Variants in TNNT3 observed in about 807,000 individuals in gnomAD.
The protein encoded by TNNT3 is troponin T3, fast skeletal type.
A neutral mutation model predicts 54.2 loss-of-function variants in TNNT3; 36 were observed. The observed-to-expected ratio is 0.66, with a 90% CI of 0.51 to 0.88. TNNT3 has a LOEUF of 0.88. Among genes scored for constraint, TNNT3 ranks in the 40% least tolerant of loss-of-function variants. TNNT3 has a pLI of 0.00. For synonymous variants in TNNT3, 120 were observed against 109.7 expected (o/e 1.09, Z -0.59); for missense variants, 291 against 331.6 (o/e 0.88, Z 0.95).
intron 4 of TNNT3, 33 bp from the exon 5 acceptor site, chr11:1,925,066 C>G (rs1238083849): frequency 6.2e-7 from 1 of 1,611,858 alleles, no homozygotes; most frequent in East Asian, 2.2e-5. Flanking sequence ...CTCAACCCCG[C>G]CTTCTCCTGC....
In TNNT3 at chr11:1,929,794, G is replaced by C. The variant is rs376576654; in HGVS notation, c.107-16G>C. ...CGCTGGTGTCCCTCTCCCTACGCTGGTGCTGTGTGGACCAGAGGAGAAACC... is the reference window on the plus strand; with the variant it reads ...CGCTGGTGTCCCTCTCCCTACGCTGCTGCTGTGTGGACCAGAGGAGAAACC... On this transcript the variant is annotated splice_polypyrimidine_tract_variant and intron_variant, in intron 7 of 15. Coordinates refer to ENST00000278317, the MANE Select transcript of TNNT3 (RefSeq NM_006757.4). 4.6e-5 allele frequency: 71 copies of C among 1,551,852 alleles called. No individual in the cohort carries two copies. The highest frequency in any genetic ancestry group is 5.8e-5 in the Non-Finnish European group (67 of 1,147,206).
Position 1,926,485 on chromosome 11 carries a change from C to T in TNNT3, c.68-210C>T, listed in dbSNP as rs144624139. 404 of 1,613,228 alleles carry T rather than the reference C, an allele frequency of 2.5e-4. 1 individual carries two copies. In the African/African-American group the frequency reaches 4.3e-3, roughly 17 times the overall value. ...GCCCGTGAAGTTCATGAACCAGGTACGTGCATGACTTCGATGCCACATGGG... is the reference window on the plus strand; with the variant it reads ...GCCCGTGAAGTTCATGAACCAGGTATGTGCATGACTTCGATGCCACATGGG... On this transcript the variant is annotated intron_variant, in intron 5 of 15. Transcript: ENST00000278317.
At chr11:1,932,955 TA>T (rs1853849834) in intron 9 of TNNT3, among the ~76,000 whole-genome samples, 1 of 148,482 alleles carries the variant, frequency 6.7e-6, no homozygotes, top group African/African-American at 2.5e-5. Flanking sequence ...CACCCATTCA[TA>T]CACTCACCTA....
chr11:1,929,165 C>G (rs374046048), intron 7 of TNNT3, 22 bp downstream of exon 7: 5 of 1,612,174 alleles, frequency 3.1e-6, no homozygotes, highest in Non-Finnish European at 3.4e-6. Context: ...TCCCTGCCGC[C>G]GGAGGTGCAG....
chr11:1,925,707 C>T (rs911473611), intron 5 of TNNT3, among the ~76,000 whole-genome samples: 94 of 152,082 alleles, frequency 6.2e-4, no homozygotes, highest in African/African-American at 2.2e-3. Flanking sequence ...GGAGAGAAGG[C>T]GGCTGGGGGC....
At chr11:1,931,982 A>T (rs780702445) in intron 8 of TNNT3, among the ~76,000 whole-genome samples, 6 of 152,348 alleles carry the variant, frequency 3.9e-5, no homozygotes, top group Non-Finnish European at 8.8e-5. Flanking sequence ...TTTCCCCTTC[A>T]GATTGCTTTC....
At chr11:1,928,985 C>A in intron 6 of TNNT3, 135 bp from the exon 7 acceptor site, 1 of 1,052,662 alleles carries the variant, frequency 9.5e-7, no homozygotes, top group Non-Finnish European at 1.5e-6. Flanking sequence ...GCCCCGCAGG[C>A]ACACCCTGGA....
At chr11:1,938,122 A>G (rs1224367456) in intron 15 of TNNT3, 4 of 411,024 alleles carry the variant, frequency 9.7e-6, no homozygotes, top group Non-Finnish European at 4.6e-6. Context: ...CTAGGATTAT[A>G]TCATTATCTG....
intron 5 of TNNT3, chr11:1,925,353 G>A: frequency 1.3e-6 from 2 of 1,512,160 alleles, no homozygotes; most frequent in Non-Finnish European, 1.8e-6. Flanking sequence ...TGGGGGAGAG[G>A]GGGAGAGGGT....
rs780143869 is a variant in TNNT3, at chr11:1,922,885, A to T, written c.11A>T (p.Glu4Val). The T allele has an allele frequency of 1.9e-6, 3 of 1,613,378 alleles. No individual in the cohort carries two copies. Among genetic ancestry groups the T allele is most frequent in the Non-Finnish European group, 2.5e-6 (3 of 1,179,956 alleles). ...CCACCCACCTTCACCATGTCTGACG[A>T]GGAAGTGTGAGTACCCAGCTGGTGG... MSD[E>V]EVEQVEEQYE... Residue 4 changes from glutamate (E) to valine (V), a missense_variant, in exon 2 of 16, where the codon GAG (glutamate) becomes GTG (valine). Transcript: ENST00000278317.
At chr11:1,923,398 G>A (rs1398790761) in intron 3 of TNNT3, among the ~76,000 whole-genome samples, 157 bp from the exon 4 acceptor site, 1 of 151,422 alleles carries the variant, frequency 6.6e-6, no homozygotes, top group Non-Finnish European at 1.5e-5. Context: ...CTTCCCCAGC[G>A]CCTCCTCAGG....
Position 1,933,833 on chromosome 11 carries a change from G to C in TNNT3, c.284G>C (p.Arg95Thr). 1 of 1,612,682 alleles carries C rather than the reference G, an allele frequency of 6.2e-7. No individual in the cohort carries two copies. The highest frequency in any genetic ancestry group is 8.5e-7 in the Non-Finnish European group (1 of 1,179,844). ...GAGGAGCTGGTCGCTCTCAAAGAGA[G>C]AATCGTGAGTGGGGCAGTTCAGGTT... ...EEEELVALKE[R>T]IEKRRAERAE... Residue 95 changes from arginine to threonine, a missense_variant, in exon 10 of 16, where the codon AGA (arginine) becomes ACA (threonine). Arg to Thr is a moderately conservative substitution (Grantham distance 71, BLOSUM62 -1). Coordinates refer to ENST00000278317, the MANE Select transcript of TNNT3 (RefSeq NM_006757.4).
rs182639157 is a variant in TNNT3 at position 1,920,155 on chromosome 11, A to G, written c.-19+393A>G. ...GGGTGCTGCCAGGGCTTAGGTTGCC[A>G]GCTTGTGGTCGCCATGCAGACATTT... is the stretch of plus-strand genomic sequence containing the variant. On this transcript the variant is annotated intron_variant, in intron 1 of 15. Transcript: ENST00000278317. Among the ~76,000 whole-genome samples the G allele has an allele frequency of 7.4e-3, 1,134 of 152,302 alleles. 12 individuals are homozygous for G. The highest frequency in any genetic ancestry group is 0.026 in the African/African-American group (1,094 of 41,574).
chr11:1,936,137 C>T (rs1854951836), intron 14 of TNNT3: 3 of 1,557,016 alleles, frequency 1.9e-6, no homozygotes, highest in Admixed American at 3.3e-5. Context: ...GGGCCATCAC[C>T]AGGCCAAGCT....
At chr11:1,937,305 A>G (rs1590021245) in intron 15 of TNNT3, among the ~76,000 whole-genome samples, 1 of 152,092 alleles carries the variant, frequency 6.6e-6, no homozygotes, top group Admixed American at 6.5e-5. Context: ...GAGGGCAGCC[A>G]GGGGACCCCT....
chr11:1,925,772 C>T (rs1176300743), intron 5 of TNNT3, among the ~76,000 whole-genome samples: 1 of 152,168 alleles, frequency 6.6e-6, no homozygotes, highest in Non-Finnish European at 1.5e-5. Context: ...CTCGTCAGCC[C>T]CCCAGGCCCC....
intron 1 of TNNT3, 81 bp from the exon 2 acceptor site, chr11:1,922,776 C>T: frequency 7.1e-7 from 1 of 1,417,860 alleles, no homozygotes; most frequent in East Asian, 2.3e-5. Flanking sequence ...TCCAAGACCC[C>T]ATCCCCCATC....
At chr11:1,922,669 G>T in intron 1 of TNNT3, 188 bp from the exon 2 acceptor site, 1 of 641,874 alleles carries the variant, frequency 1.6e-6, no homozygotes, top group Non-Finnish European at 2.8e-6. Flanking sequence ...GCTGGGAGGG[G>T]CCAGGAGCCC....
chr11:1,938,553 C>G lies in TNNT3; in HGVS notation c.*61C>G. 1 of 1,526,518 alleles carries G rather than the reference C, an allele frequency of 6.6e-7. No individual in the cohort carries two copies. The highest frequency in any genetic ancestry group is 9.0e-7 in the Non-Finnish European group (1 of 1,107,244). The allele number at this position is 1,526,518 out of a possible 1,614,324, so 94.6% of individuals were successfully genotyped here. A position where few individuals can be genotyped will look rare whatever the true frequency, so the allele number is the denominator to read the frequency against. On this transcript the variant is annotated 3_prime_UTR_variant, in exon 16 of 16. Coordinates refer to ENST00000278317, the MANE Select transcript of TNNT3 (RefSeq NM_006757.4). ...CGCCCTCTTGCACACCAGGGCCGCT[C>G]GTGGGACTCCACATCCTCCAGCCCC...
Sources: gnomAD v4.1 joint callset for allele counts (sites outside exome capture counted in the v4.1 genomes callset) on GRCh38, gnomAD v4.1.1 for gene constraint, MANE v1.5 for transcripts, NCBI Gene and HGNC (gene_info 2026-07-23, HGNC 2026-07-21) for gene names.